LRP1B: variants seen among roughly 807,000 people sequenced by gnomAD.
LRP1B encodes the protein LDL receptor related protein 1B, also known as low-density lipoprotein receptor-related protein 1B.
A neutral mutation model predicts 556.6 loss-of-function variants in LRP1B; 217 were observed. The observed-to-expected ratio is 0.39, with a 90% CI of 0.35 to 0.44. The LOEUF (loss-of-function observed/expected upper bound fraction) is 0.44, where lower values mean the gene tolerates loss of function less well. Ranked by LOEUF, LRP1B falls within the 20% of genes least tolerant of loss-of-function variation. The pLI is 1.00. For missense variants in LRP1B, 5,053 were observed against 5,620.8 expected (o/e 0.90, Z 3.23); for synonymous variants, 2,047 against 1,865.8 (o/e 1.10, Z -2.50).
intron 1 of LRP1B, among the ~76,000 whole-genome samples, chr2:142,002,635 C>A (rs1420507121): frequency 6.6e-6 from 1 of 151,802 alleles, no homozygotes; most frequent in Non-Finnish European, 1.5e-5. Flanking sequence ...AACCTTCAGA[C>A]AGGTACTCAC....
At chr2:141,493,465 G>A (rs1006296834) in intron 2 of LRP1B, among the ~76,000 whole-genome samples, 3 of 152,150 alleles carry the variant, frequency 2.0e-5, no homozygotes, top group African/African-American at 4.8e-5. Flanking sequence ...ATACTGTACA[G>A]GTCATAGCTT....
chr2:140,422,788 A>C (rs1359862418), intron 66 of LRP1B, among the ~76,000 whole-genome samples: 1 of 152,172 alleles, frequency 6.6e-6, no homozygotes, highest in African/African-American at 2.4e-5. Context: ...ATGTGGCCCT[A>C]CTTTAACCCG....
intron 1 of LRP1B, among the ~76,000 whole-genome samples, chr2:142,060,177 G>T (rs1704851957): frequency 6.6e-6 from 1 of 152,040 alleles, no homozygotes; most frequent in East Asian, 1.9e-4. Flanking sequence ...AAGGAGAAAT[G>T]ATGGTTTTGG....
In LRP1B at chr2:141,234,511, G is replaced by A. The variant is rs141002596; in HGVS notation, c.593-5071C>T. On this transcript the variant is annotated intron_variant, in intron 5 of 90. Coordinates refer to ENST00000389484, the MANE Select transcript of LRP1B (RefSeq NM_018557.3). ...CCTGCTTCAGTCTCCTGAGTAGCTG[G>A]GACTACACACTTGCACCACCATGCC... Among the ~76,000 whole-genome samples, 413 of 152,042 alleles carry A rather than the reference G, an allele frequency of 2.7e-3. 2 individuals carry two copies. Among genetic ancestry groups the A allele is most frequent in the African/African-American group, 9.2e-3 (381 of 41,492 alleles).
chr2:141,536,830 T>C (rs1685084925), intron 2 of LRP1B, among the ~76,000 whole-genome samples: 1 of 152,080 alleles, frequency 6.6e-6, no homozygotes, highest in African/African-American at 2.4e-5. Context: ...ATTATGAGTC[T>C]GATATTTAAT....
At chr2:140,878,989 CAAAAA>C (rs3063609) in intron 25 of LRP1B, among the ~76,000 whole-genome samples, 2 of 135,806 alleles carry the variant, frequency 1.5e-5, no homozygotes, top group Non-Finnish European at 1.6e-5. Flanking sequence ...ACTCTGTTTC[CAAAAA>C]AAAAAAAAAA....
At chr2:141,679,965 A>G (rs1357197821) in intron 2 of LRP1B, among the ~76,000 whole-genome samples, 1 of 151,828 alleles carries the variant, frequency 6.6e-6, no homozygotes, top group Admixed American at 6.6e-5. Flanking sequence ...TTAAGATAAT[A>G]GTCAACTCTG....
intron 6 of LRP1B, among the ~76,000 whole-genome samples, chr2:141,192,268 C>A (rs965926297): frequency 1.3e-5 from 2 of 151,844 alleles, no homozygotes; most frequent in East Asian, 1.9e-4. Flanking sequence ...ATTTAATAAG[C>A]ATTTAAAGGT....
At chr2:140,656,310 A>G (rs1369526543) in intron 41 of LRP1B, among the ~76,000 whole-genome samples, 1 of 152,178 alleles carries the variant, frequency 6.6e-6, no homozygotes, top group Non-Finnish European at 1.5e-5. Flanking sequence ...TACTAATTCT[A>G]ACAAAATGGT....
chr2:141,051,577 T>C (rs1699036440), intron 10 of LRP1B, among the ~76,000 whole-genome samples: 1 of 151,962 alleles, frequency 6.6e-6, no homozygotes, highest in Admixed American at 6.6e-5. Flanking sequence ...AAATCCCAGG[T>C]ACCTAGCAAA....
chr2:142,026,686 G>C (rs1252507502), intron 1 of LRP1B, among the ~76,000 whole-genome samples: 1 of 152,008 alleles, frequency 6.6e-6, no homozygotes, highest in Non-Finnish European at 1.5e-5. Flanking sequence ...ATGATGTTTT[G>C]GTGGGAACTG....
intron 49 of LRP1B, among the ~76,000 whole-genome samples, chr2:140,522,759 T>C (rs1690238617): frequency 6.6e-6 from 1 of 151,592 alleles, no homozygotes. Flanking sequence ...CAAAATATCA[T>C]CAGAAACTAT....
intron 41 of LRP1B, among the ~76,000 whole-genome samples, chr2:140,681,101 G>A (rs1685845498): frequency 6.6e-6 from 1 of 152,096 alleles, no homozygotes; most frequent in African/African-American, 2.4e-5. Flanking sequence ...ATTCATGATG[G>A]GTACCAAAGG....
chr2:140,267,047 T>G (rs913254855), intron 86 of LRP1B, among the ~76,000 whole-genome samples: 2 of 152,006 alleles, frequency 1.3e-5, no homozygotes, highest in African/African-American at 4.8e-5. Context: ...GACCTTAATG[T>G]TGTAATCTAT....
At chr2:141,505,733 A>T (rs954995058) in intron 2 of LRP1B, among the ~76,000 whole-genome samples, 2 of 152,056 alleles carry the variant, frequency 1.3e-5, no homozygotes, top group African/African-American at 4.8e-5. Context: ...TTGTTTTCTG[A>T]GACTTAGTAA....
intron 25 of LRP1B, among the ~76,000 whole-genome samples, chr2:140,869,147 A>G (rs917266636): frequency 2.0e-5 from 3 of 152,150 alleles, no homozygotes; most frequent in African/African-American, 4.8e-5. Context: ...TTTGAAGCCC[A>G]TAAAAACCCC....
intron 2 of LRP1B, among the ~76,000 whole-genome samples, chr2:141,616,342 C>G (rs541519366): frequency 4.7e-4 from 70 of 150,096 alleles, no homozygotes; most frequent in African/African-American, 1.7e-3. Flanking sequence ...TTTATATGAA[C>G]AATTCAATAT....
chr2:140,879,581 C>T (rs1260218239), intron 25 of LRP1B, among the ~76,000 whole-genome samples: 1 of 152,038 alleles, frequency 6.6e-6, no homozygotes, highest in Non-Finnish European at 1.5e-5. Context: ...CAATGATCAT[C>T]GTTTCATAAC....
chr2:141,483,470 A>G (rs1683000124), intron 2 of LRP1B, among the ~76,000 whole-genome samples: 1 of 115,110 alleles, frequency 8.7e-6, no homozygotes, highest in African/African-American at 3.1e-5. Context: ...TCCTTTGGGT[A>G]TATAGCCAGT....
Sources: allele counts gnomAD v4.1 joint callset (sites outside exome capture counted in the v4.1 genomes callset), GRCh38; gene constraint gnomAD v4.1.1; transcripts MANE v1.5; gene names NCBI Gene and HGNC (gene_info 2026-07-23, HGNC 2026-07-21).